The following COL20A1 variants were observed in gnomAD, a reference collection of about 807,000 sequenced individuals.
COL20A1 encodes the protein collagen alpha-1(XX) chain.
COL20A1 carries 164 observed loss-of-function variants against 152.9 expected under a neutral mutation model. The observed-to-expected ratio is 1.07, with a 90% CI of 0.94 to 1.22. The LOEUF (loss-of-function observed/expected upper bound fraction) is 1.22. Among genes scored for constraint, COL20A1 ranks in the 50% most tolerant of loss-of-function variants. The probability of loss-of-function intolerance (pLI) is 0.00; values close to 1 mark genes in which losing one functional copy is unlikely to be tolerated. For synonymous variants in COL20A1, 864 were observed against 756.0 expected (o/e 1.14, Z -2.34); for missense variants, 1,873 against 1,744.8 (o/e 1.07, Z -1.31).
intron 26 of COL20A1, 92 bp from the exon 27 acceptor site, chr20:63,321,966 G>C: frequency 9.7e-7 from 1 of 1,031,314 alleles, no homozygotes. Flanking sequence ...TGGGGCTCAG[G>C]GTGGGCCAGG....
chr20:63,314,664 T>A (rs911068), intron 19 of COL20A1, among the ~76,000 whole-genome samples: 7 of 151,970 alleles, frequency 4.6e-5, no homozygotes, highest in African/African-American at 9.7e-5. Flanking sequence ...AGGGGAGAGC[T>A]GCTCCTCCCA....
rs2068277825 is a variant in COL20A1 at position 63,328,059 on chromosome 20, T to G, written c.3565-20T>G. 1 of 1,613,520 alleles carries G rather than the reference T, an allele frequency of 6.2e-7. No individual in the cohort carries two copies. The highest frequency in any genetic ancestry group is 2.2e-5 in the East Asian group (1 of 44,882). ...GCACCTGCCACACGGGTCCCAAAGCTGCACCACCTTCCCTTCCAGGGCGAG... is the reference window on the plus strand; with the variant it reads ...GCACCTGCCACACGGGTCCCAAAGCGGCACCACCTTCCCTTCCAGGGCGAG... On this transcript the variant is annotated intron_variant, in intron 32 of 35. Coordinates refer to ENST00000358894, the MANE Select transcript of COL20A1 (RefSeq NM_020882.4).
chr20:63,311,998 G>T lies in COL20A1; in HGVS notation c.1746G>T (p.Arg582Ser). The T allele has an allele frequency of 6.2e-7, 1 of 1,606,484 alleles. No individual in the cohort carries two copies. Among genetic ancestry groups the T allele is most frequent in the African/African-American group, 1.3e-5 (1 of 74,914 alleles). Residue 582 changes from arginine (R) to serine (S), a missense_variant, in exon 14 of 36, where the codon AGG becomes AGT. Transcript: ENST00000358894. The surrounding 1 kb of genome is among the most constrained non-coding windows in gnomAD (Gnocchi z 4.4). The stretch of plus-strand genomic sequence containing the variant: ...GAGTGTTCTGGGAGGGTGCCCCGAG[G>T]CCTGTGCGCCTGGTCAGGGTCACCT... ...AARVFWEGAP[R>S]PVRLVRVTYV...
rs1433707708 is a variant in COL20A1 at position 63,326,744 on chromosome 20, C to T, written c.3457-8C>T. 1.7e-5 allele frequency: 24 copies of T among 1,447,916 alleles called. 1 individual carries two copies. Among genetic ancestry groups the T allele is most frequent in the Non-Finnish European group, 2.1e-5 (23 of 1,104,066 alleles). The allele number at this position is 1,447,916 out of a possible 1,614,324, so 89.7% of individuals were successfully genotyped here. ...CCAAGCCAAACCCTGACTTCTGTGT[C>T]TATGCAGGGGTTCCAGGGCATGGCA... On this transcript the variant is annotated splice_region_variant and splice_polypyrimidine_tract_variant and intron_variant, in intron 30 of 35. Coordinates refer to ENST00000358894, the MANE Select transcript of COL20A1 (RefSeq NM_020882.4).
intron 3 of COL20A1, among the ~76,000 whole-genome samples, chr20:63,304,381 A>C (rs111174528): frequency 4.7e-5 from 6 of 126,846 alleles, no homozygotes; most frequent in Admixed American, 1.5e-4. Context: ...TCCTCCCTCC[A>C]GGTGTGCAGG....
In COL20A1 at chr20:63,314,174, G is replaced by A; in HGVS notation, c.2461G>A (p.Glu821Lys). The change falls in exon 19 of 36, where the codon GAG becomes AAG. Residue 821 changes from glutamate to lysine, a missense_variant. Physicochemically the swap from Glu to Lys is moderately conservative, Grantham distance 56. Transcript: ENST00000358894. ...AGCTATCTATGCAGCAGGCAGGAGTGAGGCTGTGTCTGCCACGGGCCAGAC... is the reference window on the plus strand; with the variant it reads ...AGCTATCTATGCAGCAGGCAGGAGTAAGGCTGTGTCTGCCACGGGCCAGAC... ...VSAIYAAGRS[E>K]AVSATGQTAC... The A allele has an allele frequency of 3.8e-6, 6 of 1,577,694 alleles. No individual in the cohort carries two copies. Among genetic ancestry groups the A allele is most frequent in the Non-Finnish European group, 5.2e-6 (6 of 1,162,176 alleles).
intron 20 of COL20A1, among the ~76,000 whole-genome samples, chr20:63,316,224 G>A (rs1237310076): frequency 6.6e-6 from 1 of 152,128 alleles, no homozygotes; most frequent in Non-Finnish European, 1.5e-5. Flanking sequence ...ATGATCGGGG[G>A]CTGGGCGTCC....
At chr20:63,302,321 A>G (rs1014294162) in intron 3 of COL20A1, among the ~76,000 whole-genome samples, 2 of 152,084 alleles carry the variant, frequency 1.3e-5, no homozygotes, top group Admixed American at 6.6e-5. Flanking sequence ...CATGTCTTTT[A>G]TTAATTAATT....
At chr20:63,310,258 G>A (rs1308662281) in intron 10 of COL20A1, 123 bp from the exon 11 acceptor site, 8 of 1,069,056 alleles carry the variant, frequency 7.5e-6, no homozygotes, top group South Asian at 7.3e-5. Flanking sequence ...GCCCAGGCCT[G>A]TGGGAAGTGG....
intron 34 of COL20A1, among the ~76,000 whole-genome samples, chr20:63,328,921 C>G (rs1356467977): frequency 6.6e-6 from 1 of 152,060 alleles, no homozygotes; most frequent in Non-Finnish European, 1.5e-5. Context: ...CGCAGGCTCC[C>G]GTGACCTTGT....
intron 3 of COL20A1, among the ~76,000 whole-genome samples, chr20:63,302,802 T>C (rs1371026186): frequency 1.3e-5 from 2 of 152,226 alleles, no homozygotes; most frequent in Non-Finnish European, 2.9e-5. Flanking sequence ...CCCACTTTCT[T>C]CTCTTGCCAG....
chr20:63,294,989 TG>T, intron 1 of COL20A1, 108 bp from the exon 2 acceptor site: 1 of 677,908 alleles, frequency 1.5e-6, no homozygotes, highest in Admixed American at 2.7e-5. Context: ...GAGCCCGGTG[TG>T]GGGACAGGCT....
In COL20A1 at chr20:63,311,179, C is replaced by T. The variant is rs577324174; in HGVS notation, c.1394-215C>T. On this transcript the variant is annotated intron_variant, in intron 11 of 35. Transcript: ENST00000358894. This position sits in a 1 kb window ranked among gnomAD's most constrained non-coding sequence, Gnocchi z 4.4. Reference sequence around the variant, plus strand: ...CCACATTCCTCCCATGACCTCAAGGCAGATGGCCTTAGACAAAACTGTGGG... The same window carrying T: ...CCACATTCCTCCCATGACCTCAAGGTAGATGGCCTTAGACAAAACTGTGGG... 6.6e-6 allele frequency among the ~76,000 whole-genome samples: 1 copy of T among 152,330 alleles called. No homozygotes were observed. Among genetic ancestry groups the T allele is most frequent in the African/African-American group, 2.4e-5 (1 of 41,562 alleles).
At chr20:63,296,303 G>A (rs543219890) in intron 2 of COL20A1, among the ~76,000 whole-genome samples, 2 of 152,404 alleles carry the variant, frequency 1.3e-5, no homozygotes, top group South Asian at 2.1e-4. Flanking sequence ...AGCCAAATCA[G>A]TAAGTTGCTT....
chr20:63,318,201 C>A (rs1282840661), intron 21 of COL20A1, among the ~76,000 whole-genome samples: 1 of 152,174 alleles, frequency 6.6e-6, no homozygotes, highest in South Asian at 2.1e-4. Flanking sequence ...CCAGGGTGGA[C>A]CCCCGTGAGG....
intron 3 of COL20A1, among the ~76,000 whole-genome samples, chr20:63,302,309 T>C (rs1787292131): frequency 1.3e-5 from 2 of 152,170 alleles, no homozygotes; most frequent in Non-Finnish European, 2.9e-5. Context: ...TCTAACTTGA[T>C]GCATGTCTTT....
intron 19 of COL20A1, among the ~76,000 whole-genome samples, chr20:63,315,042 C>T (rs906580467): frequency 2.6e-5 from 4 of 152,170 alleles, no homozygotes; most frequent in African/African-American, 9.6e-5. Context: ...CCAGCCTGCC[C>T]ACACACCAGG....
At position 63,305,126 on chromosome 20, in the gene COL20A1, T is replaced by C. The variant is rs2067907003; in HGVS notation, c.194-291T>C. On this transcript the variant is annotated intron_variant, in intron 3 of 35. Coordinates refer to ENST00000358894, the MANE Select transcript of COL20A1 (RefSeq NM_020882.4). This position sits in a 1 kb window ranked among gnomAD's most constrained non-coding sequence, Gnocchi z 4.9. ...CCTGGGCAGCCCTGTCTTCATACCT[T>C]GACAGTATCTCTGAGGGTTGATGGC... is the stretch of plus-strand genomic sequence containing the variant. 6.6e-6 allele frequency among the ~76,000 whole-genome samples: 1 copy of C among 152,110 alleles called. No homozygotes were observed. The highest frequency in any genetic ancestry group is 1.9e-4 in the East Asian group (1 of 5,178).
chr20:63,302,477 C>T (rs6089874), intron 3 of COL20A1, among the ~76,000 whole-genome samples: 9,636 of 152,246 alleles, frequency 0.063, 356 homozygotes, highest in South Asian at 0.11. Context: ...CGTGCCACCA[C>T]GCCCAGCTAA....
Sources: allele counts gnomAD v4.1 joint callset (sites outside exome capture counted in the v4.1 genomes callset), GRCh38; gene constraint gnomAD v4.1.1; non-coding constraint Gnocchi (gnomAD v3.1); transcripts MANE v1.5; gene names NCBI Gene and HGNC (gene_info 2026-07-23, HGNC 2026-07-21).